The following CUX2 variants were observed in gnomAD, a reference collection of about 807,000 sequenced individuals.
CUX2 encodes the protein homeobox protein cut-like 2.
CUX2 carries 40 observed loss-of-function variants against 144.8 expected under a neutral mutation model. The ratio of observed to expected loss-of-function variants is 0.28; its 90% CI spans 0.21 to 0.36. The LOEUF is 0.36. Ranked by LOEUF, CUX2 falls within the 10% of genes least tolerant of loss-of-function variation. CUX2 has a pLI of 1.00. For synonymous variants in CUX2, 827 were observed against 875.6 expected (o/e 0.94, Z 0.98); for missense variants, 1,615 against 1,994.0 (o/e 0.81, Z 3.62).
At chr12:111,214,486 C>T (rs1269182919) in intron 2 of CUX2, among the ~76,000 whole-genome samples, 176 bp downstream of exon 2, 2 of 152,144 alleles carry the variant, frequency 1.3e-5, no homozygotes, top group East Asian at 1.9e-4. Context: ...TGGTGCTCAG[C>T]GGTGCCTACT....
At position 111,289,617 on chromosome 12, in the gene CUX2, C is replaced by T. The variant is rs1427543410; in HGVS notation, c.302-1801C>T. Among the ~76,000 whole-genome samples the T allele has an allele frequency of 1.3e-5, 2 of 152,010 alleles. No homozygotes were observed. Among genetic ancestry groups the T allele is most frequent in the Non-Finnish European group, 2.9e-5 (2 of 67,996 alleles). On this transcript the variant is annotated intron_variant, in intron 4 of 21. Coordinates refer to ENST00000261726, the MANE Select transcript of CUX2 (RefSeq NM_015267.4). This position sits in a 1 kb window ranked among gnomAD's most constrained non-coding sequence, Gnocchi z 4.1. ...GAGTGTAAGGAAGCGGATGTGCTTG[C>T]GGTGTAAAGGGCTGGGAGAGGGAAC...
intron 1 of CUX2, among the ~76,000 whole-genome samples, chr12:111,198,389 C>T (rs866111937): frequency 4.0e-5 from 6 of 151,518 alleles, no homozygotes; most frequent in Non-Finnish European, 5.9e-5. Flanking sequence ...GTGGGAGAAT[C>T]GCTTGAACCT....
intron 9 of CUX2, among the ~76,000 whole-genome samples, chr12:111,302,899 T>TAAAAAAAAA (rs35454022): frequency 9.1e-6 from 1 of 109,444 alleles, no homozygotes; most frequent in Non-Finnish European, 2.0e-5. Context: ...GACTCTGTCT[T>TAAAAAAAAA]AAAAAAAAAA....
chr12:111,342,125 T>C (rs1056185344), intron 21 of CUX2, 72 bp downstream of exon 21: 3 of 1,523,862 alleles, frequency 2.0e-6, no homozygotes, highest in Admixed American at 4.0e-5. Context: ...TCCCAGGGCC[T>C]GGAGGGAGCC....
At chr12:111,066,701 G>A (rs1409257188) in intron 1 of CUX2, among the ~76,000 whole-genome samples, 1 of 152,222 alleles carries the variant, frequency 6.6e-6, no homozygotes, top group African/African-American at 2.4e-5. Flanking sequence ...TGCTCTAGGG[G>A]AACTTGACTG....
Position 111,186,365 on chromosome 12 carries a change from G to A in CUX2, c.64-27835G>A, listed in dbSNP as rs775676520. On this transcript the variant is annotated intron_variant, in intron 1 of 21. Transcript: ENST00000261726. This position sits in a 1 kb window ranked among gnomAD's most constrained non-coding sequence, Gnocchi z 4.4. ...CAGGGGTGGACACTCCATGGGGGAC[G>A]CAGGTGCTGAGAAAGTGGCATGAGG... 1.3e-5 allele frequency among the ~76,000 whole-genome samples: 2 copies of A among 152,186 alleles called. No individual in the cohort carries two copies. The highest frequency in any genetic ancestry group is 2.9e-5 in the Non-Finnish European group (2 of 68,036).
Position 111,034,428 on chromosome 12 carries a change from T to C in CUX2, c.63+188T>C, listed in dbSNP as rs542151314. 6.6e-6 allele frequency among the ~76,000 whole-genome samples: 1 copy of C among 151,404 alleles called. No individual in the cohort carries two copies. Among genetic ancestry groups the C allele is most frequent in the African/African-American group, 2.4e-5 (1 of 41,412 alleles). On this transcript the variant is annotated intron_variant, in intron 1 of 21. Transcript: ENST00000261726. The surrounding 1 kb of genome is among the most constrained non-coding windows in gnomAD (Gnocchi z 4.2). ...TAGGAATTGATCTCGCCGCTGCTCT[T>C]TGTTCGGTTCAGTCATCGATTAGCT...
chr12:111,231,594 A>T (rs145404081), intron 3 of CUX2, among the ~76,000 whole-genome samples: 336 of 152,332 alleles, frequency 2.2e-3, no homozygotes, highest in African/African-American at 7.7e-3. Flanking sequence ...ATTGGGCTAA[A>T]GCCTATCTTT....
At chr12:111,265,096 GA>G (rs1331241424) in intron 4 of CUX2, among the ~76,000 whole-genome samples, 4 of 150,378 alleles carry the variant, frequency 2.7e-5, no homozygotes, top group Non-Finnish European at 4.4e-5. Flanking sequence ...CACCTTAATT[GA>G]AAAAAAAAGT....
At chr12:111,261,627 G>A (rs1357727572) in intron 3 of CUX2, among the ~76,000 whole-genome samples, 9 of 152,178 alleles carry the variant, frequency 5.9e-5, no homozygotes, top group African/African-American at 2.2e-4. Flanking sequence ...AGGGCCAGGC[G>A]CAGTGGCTCA....
chr12:111,192,379 C>T (rs1228654871), intron 1 of CUX2, among the ~76,000 whole-genome samples: 1 of 152,158 alleles, frequency 6.6e-6, no homozygotes, highest in East Asian at 1.9e-4. Context: ...ATCCTCCCAC[C>T]TCAGCCTCTC....
In CUX2 at chr12:111,310,503, G is replaced by A. The variant is rs1268769789; in HGVS notation, c.1721G>A (p.Arg574Gln). 3 of 1,614,050 alleles carry A rather than the reference G, an allele frequency of 1.9e-6. No homozygotes were observed. Among genetic ancestry groups the A allele is most frequent in the Non-Finnish European group, 1.7e-6 (2 of 1,180,014 alleles). The change falls in exon 15 of 22, where the codon CGG becomes CAG. Residue 574 changes from arginine to glutamine, a missense_variant. By Grantham distance (43) the Arg-to-Gln change is conservative. Coordinates refer to ENST00000261726, the MANE Select transcript of CUX2 (RefSeq NM_015267.4). The surrounding 1 kb of genome is among the most constrained non-coding windows in gnomAD (Gnocchi z 7.9). Reference protein sequence around the residue: ...EQLLKHNIGQRVFGHYVLGLS... With the variant: ...EQLLKHNIGQQVFGHYVLGLS... ...CTGCTGAAACACAACATCGGGCAGC[G>A]GGTGTTTGGGCATTACGTGCTGGGG...
At chr12:111,286,039 T>C (rs1240909258) in intron 4 of CUX2, among the ~76,000 whole-genome samples, 1 of 152,214 alleles carries the variant, frequency 6.6e-6, no homozygotes, top group Non-Finnish European at 1.5e-5. Flanking sequence ...TAAGCTTGAA[T>C]CTTTGGGTCT....
At chr12:111,226,281 T>C (rs1592857257) in intron 3 of CUX2, among the ~76,000 whole-genome samples, 1 of 152,198 alleles carries the variant, frequency 6.6e-6, no homozygotes, top group East Asian at 1.9e-4. Flanking sequence ...AGAATTCCTT[T>C]GATGGTGCAT....
intron 1 of CUX2, among the ~76,000 whole-genome samples, chr12:111,051,494 CT>C (rs538282930): frequency 0.071 from 10,452 of 146,784 alleles, 1,200 homozygotes; most frequent in African/African-American, 0.24. Flanking sequence ...TCCCTAGTAA[CT>C]TTTTTTTTTT....
chr12:111,167,322 G>A (rs183737037), intron 1 of CUX2, among the ~76,000 whole-genome samples: 1 of 152,118 alleles, frequency 6.6e-6, no homozygotes, highest in African/African-American at 2.4e-5. Context: ...CCTTGACTTG[G>A]CTCGAAAACC....
At chr12:111,189,906 C>T (rs920961839) in intron 1 of CUX2, among the ~76,000 whole-genome samples, 5 of 152,134 alleles carry the variant, frequency 3.3e-5, no homozygotes, top group Non-Finnish European at 5.9e-5. Flanking sequence ...CTTTAGTAGA[C>T]GCTGCAAGTA....
At chr12:111,195,389 AG>A (rs1335581162) in intron 1 of CUX2, among the ~76,000 whole-genome samples, 5 of 152,194 alleles carry the variant, frequency 3.3e-5, no homozygotes, top group Non-Finnish European at 7.3e-5. Context: ...GAAAAAAAAA[AG>A]AAACACAAAA....
At chr12:111,301,753 A>C (rs147764040) in intron 9 of CUX2, among the ~76,000 whole-genome samples, 39 of 152,296 alleles carry the variant, frequency 2.6e-4, no homozygotes, top group Non-Finnish European at 4.4e-4. Flanking sequence ...ATCCTCTCAC[A>C]GTCCTGGAAT....
Sources: allele counts gnomAD v4.1 joint callset (sites outside exome capture counted in the v4.1 genomes callset), GRCh38; gene constraint gnomAD v4.1.1; non-coding constraint Gnocchi (gnomAD v3.1); transcripts MANE v1.5; gene names NCBI Gene and HGNC (gene_info 2026-07-23, HGNC 2026-07-21).